TMEM170B: variants seen among roughly 807,000 people sequenced by gnomAD.
TMEM170B encodes the protein transmembrane protein 170B.
TMEM170B carries 6 observed loss-of-function variants against 13.0 expected under a neutral mutation model. The observed-to-expected ratio is 0.46, with a 90% CI of 0.25 to 0.91. The LOEUF is 0.91. TMEM170B is among the 40% of genes least tolerant of loss of function. The probability of loss-of-function intolerance (pLI) is 0.17; values close to 1 mark genes in which losing one functional copy is unlikely to be tolerated. For synonymous variants in TMEM170B, 61 were observed against 64.9 expected (o/e 0.94, Z 0.29); for missense variants, 138 against 165.2 (o/e 0.84, Z 0.90).
Position 11,575,612 on chromosome 6 carries a change from C to G in TMEM170B, c.*51C>G. The G allele has an allele frequency of 5.0e-6, 8 of 1,599,162 alleles. No individual in the cohort carries two copies. In the East Asian group the frequency reaches 1.8e-4, roughly 36 times the overall value. ...ACATAAGGAAACAGATGTACAGATT[C>G]CCTGAAAACGGCATTGTTAACAAGT... On this transcript the variant is annotated 3_prime_UTR_variant, in exon 3 of 3. Transcript: ENST00000379426. This position sits in a 1 kb window ranked among gnomAD's most constrained non-coding sequence, Gnocchi z 4.1.
chr6:11,575,446 G>T lies in TMEM170B; in HGVS notation c.284G>T (p.Gly95Val), dbSNP rs768851501. 12 of 1,613,414 alleles carry T rather than the reference G, an allele frequency of 7.4e-6. No individual in the cohort carries two copies. The South Asian group carries it at 1.3e-4, about 18-fold the overall frequency. The change falls in exon 3 of 3, where the codon GGC becomes GTC. Residue 95 changes from glycine to valine, a missense_variant. Physicochemically the swap from Gly to Val is moderately radical, Grantham distance 109. Coordinates refer to ENST00000379426, the MANE Select transcript of TMEM170B (RefSeq NM_001100829.3). This position sits in a 1 kb window ranked among gnomAD's most constrained non-coding sequence, Gnocchi z 4.1. ...TTCTCCTTAGGTGCAGCAGTAGCGGGCATTTACAGAGTAGCTGGGAAGAAC... is the reference window on the plus strand; with the variant it reads ...TTCTCCTTAGGTGCAGCAGTAGCGGTCATTTACAGAGTAGCTGGGAAGAAC... Reference protein sequence around the residue: ...GAMITSAAVAGIYRVAGKNMA... With the variant: ...GAMITSAAVAVIYRVAGKNMA...
chr6:11,538,454 T>C, intron 1 of TMEM170B, 80 bp downstream of exon 1: 6 of 1,093,458 alleles, frequency 5.5e-6, no homozygotes, highest in Non-Finnish European at 7.6e-6. Flanking sequence ...GGGGACACGC[T>C]CCTCGCCGCC....
intron 1 of TMEM170B, among the ~76,000 whole-genome samples, chr6:11,549,662 C>CA (rs111556696): frequency 0.071 from 7,782 of 109,104 alleles, 265 homozygotes; most frequent in Middle Eastern, 0.14. Context: ...GACTCCGTCT[C>CA]AAAAAAAAAA....
At chr6:11,543,471 T>C (rs1260832930) in intron 1 of TMEM170B, among the ~76,000 whole-genome samples, 1 of 152,228 alleles carries the variant, frequency 6.6e-6, no homozygotes, top group Admixed American at 6.5e-5. Flanking sequence ...CTTTCATATA[T>C]TTTGTTTAAT....
rs1316633056 is a variant in TMEM170B at position 11,545,298 on chromosome 6, G to C, written c.97+6924G>C. 2.6e-5 allele frequency among the ~76,000 whole-genome samples: 4 copies of C among 151,928 alleles called. No individual in the cohort carries two copies. In the East Asian group the frequency reaches 7.7e-4, roughly 29 times the overall value. On this transcript the variant is annotated intron_variant, in intron 1 of 2. Coordinates refer to ENST00000379426, the MANE Select transcript of TMEM170B (RefSeq NM_001100829.3). ...TCTCTCTCTGTGTGTGTGTGTGTGT[G>C]TGTGTGTGTGTGTAGTACTAGTAGT... is the stretch of plus-strand genomic sequence containing the variant.
intron 2 of TMEM170B, among the ~76,000 whole-genome samples, chr6:11,571,535 C>A (rs1759801780): frequency 6.6e-6 from 1 of 152,038 alleles, no homozygotes; most frequent in African/African-American, 2.4e-5. Flanking sequence ...CATTTGGGAT[C>A]TTTCCTTATT....
In TMEM170B at chr6:11,575,351, A is replaced by G; in HGVS notation, c.269-80A>G. 9 of 1,505,038 alleles carry G rather than the reference A, an allele frequency of 6.0e-6. No homozygotes were observed. Among genetic ancestry groups the G allele is most frequent in the Non-Finnish European group, 8.1e-6 (9 of 1,106,918 alleles). The allele number at this position is 1,505,038 out of a possible 1,614,324, so 93.2% of individuals were successfully genotyped here. On this transcript the variant is annotated intron_variant, in intron 2 of 2. Transcript: ENST00000379426. This position sits in a 1 kb window ranked among gnomAD's most constrained non-coding sequence, Gnocchi z 4.1. Reference sequence around the variant, plus strand: ...ATGACTTATGTTTTGATGAAATGAAAAGAGCTCTTAAGGTGCAGCATGCAG... The same window carrying G: ...ATGACTTATGTTTTGATGAAATGAAGAGAGCTCTTAAGGTGCAGCATGCAG...
In TMEM170B at chr6:11,581,860, G is replaced by A. The variant is rs1759962522; in HGVS notation, c.*6299G>A. ...CATAGAAAGCAACATAGTGGCACTT[G>A]TTGAGTAAATGATCATAAAAATGAC... On this transcript the variant is annotated 3_prime_UTR_variant, in exon 3 of 3. Transcript: ENST00000379426. The A allele has an allele frequency of 6.6e-6, 1 of 152,180 alleles. No homozygotes were observed. Among genetic ancestry groups the A allele is most frequent in the African/African-American group, 2.4e-5 (1 of 41,448 alleles). The allele number at this position is 152,180 out of a possible 1,614,324, so 9.4% of individuals were successfully genotyped here.
At chr6:11,555,239 A>T (rs945883288) in intron 1 of TMEM170B, among the ~76,000 whole-genome samples, 1 of 151,834 alleles carries the variant, frequency 6.6e-6, no homozygotes, top group Non-Finnish European at 1.5e-5. Flanking sequence ...GAAATTTCTG[A>T]TAAGAAGTTT....
In TMEM170B at chr6:11,581,176, T is replaced by G. The variant is rs1759951480; in HGVS notation, c.*5615T>G. 1 of 152,238 alleles carries G rather than the reference T, an allele frequency of 6.6e-6. No individual in the cohort carries two copies. Among genetic ancestry groups the G allele is most frequent in the South Asian group, 2.1e-4 (1 of 4,836 alleles). 9.4% of individuals were successfully genotyped at this position (152,238 alleles called of 1,614,324 possible). On this transcript the variant is annotated 3_prime_UTR_variant, in exon 3 of 3. Coordinates refer to ENST00000379426, the MANE Select transcript of TMEM170B (RefSeq NM_001100829.3). ...TTCCCCTGAGTTTAGGGAAGTTGTTTTCACATTCTTTACATTTATTGCACA... is the reference window on the plus strand; with the variant it reads ...TTCCCCTGAGTTTAGGGAAGTTGTTGTCACATTCTTTACATTTATTGCACA...
chr6:11,538,422 C>T lies in TMEM170B; in HGVS notation c.97+48C>T, dbSNP rs113783203. ...GGACGGGGATGCGGTCCGCCCCTCT[C>T]CTGTCTTCTCCTTCCTCGGGAGGGG... On this transcript the variant is annotated intron_variant, in intron 1 of 2. Transcript: ENST00000379426. The T allele has an allele frequency of 3.0e-6, 4 of 1,345,314 alleles. No homozygotes were observed. In the African/African-American group the frequency reaches 4.6e-5, roughly 15 times the overall value. 83.3% of individuals were successfully genotyped at this position (1,345,314 alleles called of 1,614,324 possible).
rs1240127755 is a variant in TMEM170B, at chr6:11,581,869, A to C, written c.*6308A>C. The C allele has an allele frequency of 6.6e-6, 1 of 152,212 alleles. No individual in the cohort carries two copies. Among genetic ancestry groups the C allele is most frequent in the Non-Finnish European group, 1.5e-5 (1 of 68,030 alleles). The allele number at this position is 152,212 out of a possible 1,614,324, so 9.4% of individuals were successfully genotyped here. A position where few individuals can be genotyped will look rare whatever the true frequency, so the allele number is the denominator to read the frequency against. ...CAACATAGTGGCACTTGTTGAGTAA[A>C]TGATCATAAAAATGACTTGCTTTTA... On this transcript the variant is annotated 3_prime_UTR_variant, in exon 3 of 3. Coordinates refer to ENST00000379426, the MANE Select transcript of TMEM170B (RefSeq NM_001100829.3).
In TMEM170B at chr6:11,577,180, A is replaced by G. The variant is rs1759889912; in HGVS notation, c.*1619A>G. 2 of 152,218 alleles carry G rather than the reference A, an allele frequency of 1.3e-5. No individual in the cohort carries two copies. Among genetic ancestry groups the G allele is most frequent in the African/African-American group, 2.4e-5 (1 of 41,570 alleles). 9.4% of individuals were successfully genotyped at this position (152,218 alleles called of 1,614,324 possible). ...TATCCAGAAGCAGAGTATATCCACA[A>G]CTTACCAATGAGAAGTTGGAGAGGC... On this transcript the variant is annotated 3_prime_UTR_variant, in exon 3 of 3. Coordinates refer to ENST00000379426, the MANE Select transcript of TMEM170B (RefSeq NM_001100829.3).
intron 1 of TMEM170B, among the ~76,000 whole-genome samples, chr6:11,564,937 C>T (rs1364090606): frequency 2.6e-5 from 4 of 152,100 alleles, no homozygotes; most frequent in Admixed American, 1.3e-4. Context: ...AGTGCAAGGA[C>T]ATCTGTGGGA....
intron 2 of TMEM170B, among the ~76,000 whole-genome samples, chr6:11,568,709 G>C (rs1415160992): frequency 6.6e-6 from 1 of 152,076 alleles, no homozygotes; most frequent in Non-Finnish European, 1.5e-5. Flanking sequence ...CTGCAAACAG[G>C]TGAATTAGGA....
rs185011249 is a variant in TMEM170B, at chr6:11,582,683, T to G, written c.*7122T>G. 1.7e-4 allele frequency: 26 copies of G among 152,334 alleles called. No individual in the cohort carries two copies. The highest frequency in any genetic ancestry group is 1.6e-3 in the Admixed American group (25 of 15,310). 9.4% of individuals were successfully genotyped at this position (152,334 alleles called of 1,614,324 possible). On this transcript the variant is annotated 3_prime_UTR_variant, in exon 3 of 3. Coordinates refer to ENST00000379426, the MANE Select transcript of TMEM170B (RefSeq NM_001100829.3). ...TTATACTGTAGTACAGGGCACACAC[T>G]TTAACCTTTAGAAATATGTTTACCA... is the stretch of plus-strand genomic sequence containing the variant.
chr6:11,574,110 G>A (rs1759841714), intron 2 of TMEM170B, among the ~76,000 whole-genome samples: 1 of 152,016 alleles, frequency 6.6e-6, no homozygotes, highest in Non-Finnish European at 1.5e-5. Flanking sequence ...TCTTGTACTT[G>A]CTGTATTTCC....
chr6:11,546,606 T>G (rs1759444247), intron 1 of TMEM170B, among the ~76,000 whole-genome samples: 9 of 152,218 alleles, frequency 5.9e-5, no homozygotes, highest in Admixed American at 5.9e-4. Context: ...TTTTTTAATC[T>G]TTTATGCTAT....
In TMEM170B at chr6:11,565,652, G is replaced by C. The variant is rs1355310819; in HGVS notation, c.98-14G>C. The C allele has an allele frequency of 1.2e-6, 2 of 1,613,578 alleles. No homozygotes were observed. The highest frequency in any genetic ancestry group is 2.2e-5 in the South Asian group (2 of 91,054). On this transcript the variant is annotated splice_polypyrimidine_tract_variant and intron_variant, in intron 1 of 2. Coordinates refer to ENST00000379426, the MANE Select transcript of TMEM170B (RefSeq NM_001100829.3). Reference sequence around the variant, plus strand: ...TGTTTCAACAGATGATTAATACTTTGCTTTTCCTTTCAGAGATGTGGTACT... The same window carrying C: ...TGTTTCAACAGATGATTAATACTTTCCTTTTCCTTTCAGAGATGTGGTACT...
Sources: allele counts gnomAD v4.1 joint callset (sites outside exome capture counted in the v4.1 genomes callset), GRCh38; gene constraint gnomAD v4.1.1; non-coding constraint Gnocchi (gnomAD v3.1); transcripts MANE v1.5; gene names NCBI Gene and HGNC (gene_info 2026-07-23, HGNC 2026-07-21).